The following ANK2 variants were observed in gnomAD, a reference collection of about 807,000 sequenced individuals.
The protein encoded by ANK2 is ankyrin 2.
Under a neutral mutation model 360.5 loss-of-function variants are expected in ANK2, and 83 were observed. The ratio of observed to expected loss-of-function variants is 0.23; its 90% confidence interval spans 0.19 to 0.28. The LOEUF (loss-of-function observed/expected upper bound fraction) is 0.28, where lower values mean the gene tolerates loss of function less well. Among genes scored for constraint, ANK2 ranks in the 10% least tolerant of loss-of-function variants. The pLI, the probability that ANK2 is intolerant of heterozygous loss-of-function variation, is 1.00. For missense variants in ANK2, 4,201 were observed against 4,795.7 expected (o/e 0.88, Z 3.66); for synonymous variants, 1,740 against 1,759.5 (o/e 0.99, Z 0.28).
the ANK2 span, among the ~76,000 whole-genome samples, chr4:112,712,056 A>G: frequency 2.8e-5 from 4 of 143,870 alleles, no homozygotes; most frequent in African/African-American, 7.7e-5. Context: ...ACACACACAC[A>G]TATATATATA....
At chr4:113,064,339 C>T (rs936335000) in intron 1 of ANK2, among the ~76,000 whole-genome samples, 2 of 152,114 alleles carry the variant, frequency 1.3e-5, no homozygotes, top group Non-Finnish European at 2.9e-5. Context: ...TGTGACTTAC[C>T]GTGATGACAG....
chr4:112,753,732 A>T, the ANK2 span, among the ~76,000 whole-genome samples: 1 of 152,112 alleles, frequency 6.6e-6, no homozygotes, highest in Non-Finnish European at 1.5e-5. Context: ...ATGCCATGGC[A>T]ATGTCAGGAA....
chr4:112,975,571 A>G (rs1423589979), intron 2 of ANK2, among the ~76,000 whole-genome samples: 1 of 152,208 alleles, frequency 6.6e-6, no homozygotes, highest in African/African-American at 2.4e-5. Flanking sequence ...GGGCTGGCTG[A>G]CGGTTTTATC....
intron 22 of ANK2, among the ~76,000 whole-genome samples, chr4:113,296,940 A>C (rs2071904614): frequency 6.6e-6 from 1 of 152,198 alleles, no homozygotes; most frequent in Non-Finnish European, 1.5e-5. Context: ...ACCATAAATT[A>C]CTGAATAAAT....
intron 5 of ANK2, among the ~76,000 whole-genome samples, chr4:113,233,133 T>G (rs2099337432): frequency 2.2e-5 from 2 of 89,410 alleles, no homozygotes; most frequent in South Asian, 4.3e-4. Flanking sequence ...TTTTTTTTTT[T>G]TTTTTTTTTT....
intron 12 of ANK2, 74 bp downstream of exon 12, chr4:113,258,222 C>G: frequency 1.9e-6 from 3 of 1,574,416 alleles, no homozygotes; most frequent in Non-Finnish European, 2.6e-6. Flanking sequence ...TTCTCATCTT[C>G]TGTCCTCTTC....
intron 2 of ANK2, among the ~76,000 whole-genome samples, chr4:112,981,345 C>G (rs1247371485): frequency 6.6e-6 from 1 of 152,140 alleles, no homozygotes; most frequent in Non-Finnish European, 1.5e-5. Flanking sequence ...TCACAGTTGC[C>G]TTCATGAAAA....
chr4:113,134,195 T>C (rs2202535), intron 1 of ANK2, among the ~76,000 whole-genome samples: 141,466 of 151,596 alleles, frequency 0.93, 66,146 homozygotes, highest in East Asian at 1. Context: ...AGGTAGGTTC[T>C]GGCCCAAAGT....
chr4:112,961,398 CCTTT>C (rs1268690972), intron 2 of ANK2, among the ~76,000 whole-genome samples: 1 of 151,866 alleles, frequency 6.6e-6, no homozygotes, highest in Non-Finnish European at 1.5e-5. Flanking sequence ...CTAAAGAGAA[CCTTT>C]CTTTATTTCA....
At chr4:113,365,234 G>C (rs777784965) in intron 41 of ANK2, 52 bp downstream of exon 41, 2 of 1,499,762 alleles carry the variant, frequency 1.3e-6, no homozygotes, top group Non-Finnish European at 1.8e-6. Context: ...TGTGTGTGTT[G>C]TGTCTGTGTG....
At chr4:113,217,375 T>C (rs1210915936) in intron 4 of ANK2, among the ~76,000 whole-genome samples, 1 of 152,180 alleles carries the variant, frequency 6.6e-6, no homozygotes, top group Non-Finnish European at 1.5e-5. Context: ...ATCTTGACTG[T>C]AGATATATAT....
At chr4:112,773,788 T>C in the ANK2 span, among the ~76,000 whole-genome samples, 4 of 152,086 alleles carry the variant, frequency 2.6e-5, no homozygotes, top group Admixed American at 1.3e-4. Flanking sequence ...TTTTATTTTA[T>C]TTTATTTTAT....
upstream of ANK2, among the ~76,000 whole-genome samples, chr4:112,814,754 G>A (rs1308730663): frequency 1.3e-5 from 2 of 152,162 alleles, no homozygotes; most frequent in South Asian, 2.1e-4. Context: ...AGTGATGATG[G>A]TAGCCTGTGC....
chr4:113,193,752 C>G (rs1347829786), intron 2 of ANK2, among the ~76,000 whole-genome samples: 2 of 152,142 alleles, frequency 1.3e-5, no homozygotes, highest in Non-Finnish European at 2.9e-5. Context: ...ACAAGTTGCA[C>G]TTTCCTTCAC....
intron 2 of ANK2, among the ~76,000 whole-genome samples, chr4:112,925,799 C>A (rs949073714): frequency 1.3e-5 from 2 of 152,056 alleles, no homozygotes; most frequent in Non-Finnish European, 2.9e-5. Flanking sequence ...TCCTGGATTT[C>A]TCTGGTAATC....
chr4:113,049,942 C>G, intron 1 of ANK2, 130 bp downstream of exon 1: 2 of 1,211,812 alleles, frequency 1.7e-6, no homozygotes, highest in Non-Finnish European at 2.3e-6. Flanking sequence ...CAGTGCCAAG[C>G]CTTGCTTTTT....
At chr4:112,945,859 C>T (rs1357556870) in intron 2 of ANK2, among the ~76,000 whole-genome samples, 6 of 152,136 alleles carry the variant, frequency 3.9e-5, no homozygotes, top group African/African-American at 1.4e-4. Context: ...TGCCTAGAAC[C>T]CATGTTCCTC....
At chr4:112,776,149 A>C in the ANK2 span, among the ~76,000 whole-genome samples, 1 of 152,206 alleles carries the variant, frequency 6.6e-6, no homozygotes, top group African/African-American at 2.4e-5. Context: ...GGGATACTGT[A>C]AGGGAAGAAA....
At chr4:112,752,492 G>A in the ANK2 span, among the ~76,000 whole-genome samples, 1 of 151,858 alleles carries the variant, frequency 6.6e-6, no homozygotes, top group Non-Finnish European at 1.5e-5. Flanking sequence ...GCTCACTGCA[G>A]CCTTGATTTA....
Sources: allele counts gnomAD v4.1 joint callset (sites outside exome capture counted in the v4.1 genomes callset), GRCh38; gene constraint gnomAD v4.1.1; transcripts MANE v1.5; gene names NCBI Gene and HGNC (gene_info 2026-07-23, HGNC 2026-07-21).